Variants in WWP1 observed in about 807,000 individuals in gnomAD.
WWP1 encodes the protein NEDD4-like E3 ubiquitin-protein ligase WWP1.
Under a neutral mutation model 130.6 loss-of-function variants are expected in WWP1, and 49 were observed. The ratio of observed to expected loss-of-function variants is 0.38; its 90% CI spans 0.30 to 0.48. The LOEUF (loss-of-function observed/expected upper bound fraction) is 0.48, where lower values mean the gene tolerates loss of function less well. Among genes scored for constraint, WWP1 ranks in the 20% least tolerant of loss-of-function variants. The pLI, the probability that WWP1 is intolerant of heterozygous loss-of-function variation, is 0.99. For synonymous variants in WWP1, 332 were observed against 367.8 expected (o/e 0.90, Z 1.11); for missense variants, 809 against 1,100.6 (o/e 0.74, Z 3.75).
At chr8:86,432,116 ACAGT>A (rs1181324461) in intron 14 of WWP1, among the ~76,000 whole-genome samples, 1 of 152,198 alleles carries the variant, frequency 6.6e-6, no homozygotes, top group Non-Finnish European at 1.5e-5. Context: ...TCTAACGATG[ACAGT>A]CAGTCTCTGT....
intron 21 of WWP1, 24 bp downstream of exon 21, chr8:86,452,703 T>A: frequency 6.2e-7 from 1 of 1,609,254 alleles, no homozygotes; most frequent in South Asian, 1.1e-5. Flanking sequence ...ATTATGCTAT[T>A]GTAGGGAATG....
At position 86,453,678 on chromosome 8, in the gene WWP1, C is replaced by G. The variant is rs148243458; in HGVS notation, c.2394+999C>G. Among the ~76,000 whole-genome samples the G allele has an allele frequency of 3.1e-3, 471 of 152,234 alleles. 2 individuals are homozygous for G. Among genetic ancestry groups the G allele is most frequent in the African/African-American group, 0.011 (449 of 41,556 alleles). On this transcript the variant is annotated intron_variant, in intron 21 of 24. Transcript: ENST00000517970. ...TAAACATGTAGAAAGATTCCAGTTT[C>G]TCCACATCTTTCCCAACATTTATTT...
intron 2 of WWP1, among the ~76,000 whole-genome samples, chr8:86,372,017 ATTTTT>A (rs34458424): frequency 1.4e-5 from 1 of 70,216 alleles, no homozygotes; most frequent in Non-Finnish European, 2.6e-5. Context: ...TAATTTTTGT[ATTTTT>A]TTTTTTTTTT....
chr8:86,418,664 A>G (rs764013039), intron 9 of WWP1, among the ~76,000 whole-genome samples: 11 of 152,224 alleles, frequency 7.2e-5, no homozygotes, highest in Non-Finnish European at 1.5e-4. Flanking sequence ...CCTTCCCTGC[A>G]GCCAGAACTT....
chr8:86,354,994 T>G (rs1057479458), intron 1 of WWP1, among the ~76,000 whole-genome samples: 1 of 152,176 alleles, frequency 6.6e-6, no homozygotes, highest in Non-Finnish European at 1.5e-5. Flanking sequence ...TTATCCTCAT[T>G]TGACAGACAG....
At chr8:86,345,528 G>C (rs1233846706) in intron 1 of WWP1, among the ~76,000 whole-genome samples, 3 of 152,072 alleles carry the variant, frequency 2.0e-5, no homozygotes, top group African/African-American at 7.2e-5. Context: ...TCCTGCCTCA[G>C]TCTCCCGAAT....
In WWP1 at chr8:86,435,514, G is replaced by T; in HGVS notation, c.1664G>T (p.Arg555Leu). The change falls in exon 15 of 25, where the codon CGT (arginine) becomes CTT (leucine). Residue 555 changes from arginine (R) to leucine (L), a missense_variant. By Grantham distance (102) the Arg-to-Leu change is moderately radical. Transcript: ENST00000517970. ...RGFRWKLAHF[R>L]YLCQSNALPS... is the part of the protein sequence containing the mutation. Reference sequence around the variant, plus strand: ...TTTAGGTGGAAGCTTGCTCACTTCCGTTATTTGTGCCAGGTACTATAGTGG... The same window carrying T: ...TTTAGGTGGAAGCTTGCTCACTTCCTTTATTTGTGCCAGGTACTATAGTGG... 6.2e-7 allele frequency: 1 copy of T among 1,614,042 alleles called. No individual in the cohort carries two copies. Among genetic ancestry groups the T allele is most frequent in the Non-Finnish European group, 8.5e-7 (1 of 1,179,990 alleles).
chr8:86,351,245 A>G (rs1299599278), intron 1 of WWP1, among the ~76,000 whole-genome samples: 1 of 152,216 alleles, frequency 6.6e-6, no homozygotes, highest in Non-Finnish European at 1.5e-5. Context: ...TGAAAATTCA[A>G]ACAAGTATTC....
intron 20 of WWP1, among the ~76,000 whole-genome samples, chr8:86,451,522 A>AG (rs1811178895): frequency 6.6e-6 from 1 of 152,208 alleles, no homozygotes; most frequent in African/African-American, 2.4e-5. Context: ...GGTTAAAGGA[A>AG]GGGTTTTTGG....
At chr8:86,393,165 T>G (rs34895735) in intron 5 of WWP1, among the ~76,000 whole-genome samples, 48,125 of 151,944 alleles carry the variant, frequency 0.32, 9,158 homozygotes, top group Middle Eastern at 0.45. Flanking sequence ...AGCTCTTATT[T>G]TTTTCTCTCA....
chr8:86,412,000 C>T, intron 9 of WWP1, 126 bp downstream of exon 9: 1 of 910,036 alleles, frequency 1.1e-6, no homozygotes, highest in Non-Finnish European at 1.6e-6. Flanking sequence ...GGATCTGAAT[C>T]ATACTATTTA....
chr8:86,381,567 A>G lies in WWP1; in HGVS notation c.272A>G (p.Asp91Gly), dbSNP rs1824990669. 1.2e-6 allele frequency: 2 copies of G among 1,610,828 alleles called. No individual in the cohort carries two copies. Among genetic ancestry groups the G allele is most frequent in the Non-Finnish European group, 1.7e-6 (2 of 1,179,226 alleles). ...TGGAGCCATCGCACTTTAAAAGCAG[A>G]TGCTTTATTAGGAAAAGCAACGATA... The part of the protein sequence containing the change: ...QVWSHRTLKA[D>G]ALLGKATIDL... Residue 91 changes from aspartate to glycine, a missense_variant, in exon 5 of 25, where the codon GAT becomes GGT. Transcript: ENST00000517970.
intron 14 of WWP1, 75 bp from the exon 15 acceptor site, chr8:86,435,377 A>T (rs1810235304): frequency 1.4e-6 from 2 of 1,474,204 alleles, no homozygotes; most frequent in Non-Finnish European, 1.9e-6. Flanking sequence ...ACTTTAGTAC[A>T]CTCTGATTTT....
At position 86,366,256 on chromosome 8, in the gene WWP1, A is replaced by T. The variant is rs1156353480; in HGVS notation, c.-114-2683A>T. On this transcript the variant is annotated intron_variant, in intron 1 of 24. Coordinates refer to ENST00000517970, the MANE Select transcript of WWP1 (RefSeq NM_007013.4). ...CCATATGAGCTAGTGAATGGAATGG[A>T]GATCAGCAAGATACAGGAAGGGTGA... 2.0e-5 allele frequency among the ~76,000 whole-genome samples: 3 copies of T among 152,300 alleles called. No homozygotes were observed. In the East Asian group the frequency reaches 5.8e-4, roughly 29 times the overall value.
intron 1 of WWP1, among the ~76,000 whole-genome samples, chr8:86,343,627 C>G (rs1586214519): frequency 6.6e-6 from 1 of 152,004 alleles, no homozygotes; most frequent in Admixed American, 6.5e-5. Context: ...GTTCACAGTC[C>G]TTTCTTTGCT....
At chr8:86,458,890 A>G (rs1339424454) in intron 22 of WWP1, among the ~76,000 whole-genome samples, 4 of 152,216 alleles carry the variant, frequency 2.6e-5, no homozygotes, top group Admixed American at 2.0e-4. Flanking sequence ...ATTTAATGCA[A>G]CATCATTGGT....
intron 9 of WWP1, among the ~76,000 whole-genome samples, chr8:86,424,398 G>A (rs554129379): frequency 8.6e-5 from 13 of 151,252 alleles, no homozygotes; most frequent in East Asian, 4.0e-4. Flanking sequence ...CTTCCCAGAC[G>A]GGGTGGCGGC....
rs116577441 is a variant in WWP1, at chr8:86,418,672, C to T, written c.1062-6551C>T. ...CTAATTCCCTTCCCTGCAGCCAGAACTTCTGCTCTGCCTAGGGGTTTTCTC... is the reference window on the plus strand; with the variant it reads ...CTAATTCCCTTCCCTGCAGCCAGAATTTCTGCTCTGCCTAGGGGTTTTCTC... On this transcript the variant is annotated intron_variant, in intron 9 of 24. Transcript: ENST00000517970. 9.8e-3 allele frequency among the ~76,000 whole-genome samples: 1,499 copies of T among 152,292 alleles called. 27 individuals are homozygous for T. Among genetic ancestry groups the T allele is most frequent in the African/African-American group, 0.034 (1,429 of 41,544 alleles).
chr8:86,343,713 A>C (rs1365207441), intron 1 of WWP1, among the ~76,000 whole-genome samples: 1 of 152,078 alleles, frequency 6.6e-6, no homozygotes, highest in Non-Finnish European at 1.5e-5. Context: ...TGTCTGTTAT[A>C]ATTTTGACAT....
Sources: allele counts gnomAD v4.1 joint callset (sites outside exome capture counted in the v4.1 genomes callset), GRCh38; gene constraint gnomAD v4.1.1; transcripts MANE v1.5; gene names NCBI Gene and HGNC (gene_info 2026-07-23, HGNC 2026-07-21).